Variants in CMTR1 observed in about 807,000 individuals in gnomAD.
The protein encoded by CMTR1 is cap-specific mRNA (nucleoside-2'-O-)-methyltransferase 1.
In CMTR1, 39 loss-of-function variants were observed where a neutral mutation model predicts 107.0. That is an observed-to-expected ratio of 0.36 (90% CI 0.28 to 0.48). The LOEUF is 0.48. Among genes scored for constraint, CMTR1 ranks in the 20% least tolerant of loss-of-function variants. CMTR1 has a pLI of 0.99. For synonymous variants in CMTR1, 366 were observed against 379.5 expected (o/e 0.96, Z 0.41); for missense variants, 672 against 1,064.9 (o/e 0.63, Z 5.14).
chr6:37,428,249 G>A (rs1214476391), upstream of CMTR1, among the ~76,000 whole-genome samples: 1 of 152,094 alleles, frequency 6.6e-6, no homozygotes, highest in East Asian at 1.9e-4. Flanking sequence ...TAATAACAAG[G>A]GTGGTGTCAT....
rs547188525 is a variant in CMTR1, at chr6:37,458,584, C to T, written c.778-28C>T. 2 of 1,609,142 alleles carry T rather than the reference C, an allele frequency of 1.2e-6. No homozygotes were observed. The highest frequency in any genetic ancestry group is 1.7e-6 in the Non-Finnish European group (2 of 1,178,220). On this transcript the variant is annotated intron_variant, in intron 8 of 23. Coordinates refer to ENST00000373451, the MANE Select transcript of CMTR1 (RefSeq NM_015050.3). The surrounding 1 kb of genome is among the most constrained non-coding windows in gnomAD (Gnocchi z 4.7). Reference sequence around the variant, plus strand: ...CCATTGAGCTGTCTTGTTTTCCTTCCTCTCCTGTCCTCCACTTGCCTTTGC... The same window carrying T: ...CCATTGAGCTGTCTTGTTTTCCTTCTTCTCCTGTCCTCCACTTGCCTTTGC...
chr6:37,436,096 C>T (rs1771523519), intron 2 of CMTR1, among the ~76,000 whole-genome samples: 1 of 152,126 alleles, frequency 6.6e-6, no homozygotes, highest in Non-Finnish European at 1.5e-5. Flanking sequence ...TGTTAATTAT[C>T]CTGGGGCTCT....
At position 37,458,978 on chromosome 6, in the gene CMTR1, T is replaced by G. The variant is rs570671602; in HGVS notation, c.976+168T>G. ...TGGTTCCCTCTGGACTATCCCTTTT[T>G]ACCCTGGGCCTGCAGAATACAGGTC... On this transcript the variant is annotated intron_variant, in intron 9 of 23. Coordinates refer to ENST00000373451, the MANE Select transcript of CMTR1 (RefSeq NM_015050.3). This position sits in a 1 kb window ranked among gnomAD's most constrained non-coding sequence, Gnocchi z 4.7. Among the ~76,000 whole-genome samples the G allele has an allele frequency of 5.3e-5, 8 of 152,340 alleles. No individual in the cohort carries two copies. The highest frequency in any genetic ancestry group is 3.4e-3 in the Middle Eastern group (1 of 294).
chr6:37,428,055 AGAGAG>A, the CMTR1 span, among the ~76,000 whole-genome samples: 1 of 142,708 alleles, frequency 7.0e-6, no homozygotes, highest in East Asian at 2.0e-4. Context: ...AGAGAGAGAG[AGAGAG>A]AAACTCTCTA....
Position 37,462,092 on chromosome 6 carries a change from A to C in CMTR1, c.1315A>C (p.Asn439His), listed in dbSNP as rs1449201476. ...LFKPITSRPA[N>H]SERYVVCKGL... Reference sequence around the variant, plus strand: ...CAAGCCTATTACCAGCCGTCCTGCCAACTCAGAGAGGTGAAGCCTTTCTCT... The same window carrying C: ...CAAGCCTATTACCAGCCGTCCTGCCCACTCAGAGAGGTGAAGCCTTTCTCT... The change falls in exon 12 of 24, where the codon AAC becomes CAC. Residue 439 changes from asparagine (N) to histidine (H), a missense_variant. Asn to His is a moderately conservative substitution (Grantham distance 68). Transcript: ENST00000373451. The C allele has an allele frequency of 1.2e-6, 2 of 1,614,010 alleles. No individual in the cohort carries two copies. The highest frequency in any genetic ancestry group is 1.7e-6 in the Non-Finnish European group (2 of 1,180,052).
the CMTR1 span, among the ~76,000 whole-genome samples, chr6:37,425,440 G>T: frequency 3.3e-5 from 5 of 151,360 alleles, no homozygotes; most frequent in Non-Finnish European, 7.4e-5. Context: ...GGGATTACAG[G>T]CACGTGCCAC....
chr6:37,430,874 C>T (rs1427300836), upstream of CMTR1, among the ~76,000 whole-genome samples: 5 of 151,964 alleles, frequency 3.3e-5, no homozygotes, highest in East Asian at 9.7e-4. Flanking sequence ...ATTAGCCGGG[C>T]GTGGTGGCGG....
rs1301744021 is a variant in CMTR1, at chr6:37,462,031, C to T, written c.1254C>T (p.Tyr418=). 1 of 1,613,916 alleles carries T rather than the reference C, an allele frequency of 6.2e-7. No homozygotes were observed. The highest frequency in any genetic ancestry group is 8.5e-7 in the Non-Finnish European group (1 of 1,179,992). The change falls in exon 12 of 24, where the codon TAC becomes TAT. Residue 418 remains tyrosine, a synonymous_variant. Transcript: ENST00000373451. ...CACCGTTTAGTGTGGGGCTTGTCTACCTGCTGTACTGCTGCTTTGAACGAG... is the reference window on the plus strand; with the variant it reads ...CACCGTTTAGTGTGGGGCTTGTCTATCTGCTGTACTGCTGCTTTGAACGAG... ...LFTPFSVGLV[Y]LLYCCFERVC...
chr6:37,430,819 C>A (rs1581720809), upstream of CMTR1, among the ~76,000 whole-genome samples: 1 of 152,140 alleles, frequency 6.6e-6, no homozygotes, highest in East Asian at 1.9e-4. Context: ...TCAAGACCAT[C>A]CTGGCTAACA....
rs1761825627 is a variant in CMTR1 at position 37,480,140 on chromosome 6, G to A, written c.2503G>A (p.Ala835Thr). ...CCTCTCCTTCATCCAGATGCACAGG[G>A]CCTAAGAGCCTCAGAATGTGCCACC... ...DVLSFIQMHR[A>T] Residue 835 changes from alanine (A) to threonine (T), a missense_variant, in exon 24 of 24, where the codon GCC becomes ACC. By Grantham distance (58) the Ala-to-Thr change is moderately conservative. Around this residue, in one of 2 missense-constraint regions of CMTR1, gnomAD observed 583 missense variants for 968.4 expected, o/e 0.60. Transcript: ENST00000373451. 6.3e-7 allele frequency: 1 copy of A among 1,597,780 alleles called. No homozygotes were observed. Among genetic ancestry groups the A allele is most frequent in the Non-Finnish European group, 8.5e-7 (1 of 1,172,668 alleles).
chr6:37,472,295 C>G lies in CMTR1; in HGVS notation c.1621-124C>G. ...CCACCTCCATCCCTGTCAGCCTAGC[C>G]TCCTTTGTTGTGTGCCATTCCTCCT... On this transcript the variant is annotated intron_variant, in intron 15 of 23. Coordinates refer to ENST00000373451, the MANE Select transcript of CMTR1 (RefSeq NM_015050.3). The surrounding 1 kb of genome is among the most constrained non-coding windows in gnomAD (Gnocchi z 4.1). 2 of 838,178 alleles carry G rather than the reference C, an allele frequency of 2.4e-6. No individual in the cohort carries two copies. The highest frequency in any genetic ancestry group is 3.9e-5 in the Admixed American group (2 of 51,704). 51.9% of individuals were successfully genotyped at this position (838,178 alleles called of 1,614,324 possible). A position where few individuals can be genotyped will look rare whatever the true frequency, so the allele number is the denominator to read the frequency against.
intron 14 of CMTR1, 31 bp downstream of exon 14, chr6:37,471,108 T>G: frequency 6.4e-7 from 1 of 1,555,830 alleles, no homozygotes; most frequent in African/African-American, 1.4e-5. Flanking sequence ...AGAAACCACC[T>G]ATTTCAAGGG....
intron 13 of CMTR1, among the ~76,000 whole-genome samples, chr6:37,466,557 A>C (rs1247239804): frequency 6.6e-6 from 1 of 152,182 alleles, no homozygotes; most frequent in Non-Finnish European, 1.5e-5. Context: ...CCATTAGTTG[A>C]AAACACTGCC....
chr6:37,466,975 G>T (rs1761524572), intron 13 of CMTR1, among the ~76,000 whole-genome samples: 1 of 152,090 alleles, frequency 6.6e-6, no homozygotes, highest in Admixed American at 6.6e-5. Flanking sequence ...TTTGAGACTA[G>T]CCTGGGCAAC....
chr6:37,445,885 G>A lies in CMTR1; in HGVS notation c.286-406G>A, dbSNP rs1016695236. ...CTTGCCTAGTAAGGCTGTTTGACTG[G>A]ATAAGGGTAAGGTAGAAGTTACAGC... On this transcript the variant is annotated intron_variant, in intron 3 of 23. Transcript: ENST00000373451. 6.6e-5 allele frequency among the ~76,000 whole-genome samples: 10 copies of A among 152,124 alleles called. 1 individual carries two copies.
chr6:37,465,153 A>C (rs1761480047), intron 13 of CMTR1, among the ~76,000 whole-genome samples: 1 of 151,944 alleles, frequency 6.6e-6, no homozygotes, highest in East Asian at 1.9e-4. Flanking sequence ...CTGTAATCCC[A>C]GCTACTGGGG....
intron 8 of CMTR1, among the ~76,000 whole-genome samples, chr6:37,457,124 G>GA (rs1761310909): frequency 6.6e-6 from 1 of 150,694 alleles, no homozygotes; most frequent in African/African-American, 2.4e-5. Flanking sequence ...GGAGGTTGAA[G>GA]AAAGAGGATT....
intron 2 of CMTR1, among the ~76,000 whole-genome samples, chr6:37,438,190 G>A (rs969853761): frequency 6.6e-6 from 1 of 152,006 alleles, no homozygotes; most frequent in African/African-American, 2.4e-5. Flanking sequence ...GACCAGCCTG[G>A]GGAACATGGT....
At chr6:37,474,474 T>C (rs751716585) in intron 17 of CMTR1, 50 bp from the exon 18 acceptor site, 6 of 1,606,954 alleles carry the variant, frequency 3.7e-6, no homozygotes, top group East Asian at 4.5e-5. Flanking sequence ...AAGCCTCTTA[T>C]CCCTCGATCT....
Sources: gnomAD v4.1 joint callset for allele counts (sites outside exome capture counted in the v4.1 genomes callset) on GRCh38, gnomAD v4.1.1 for gene constraint, gnomAD v4.1.1 regional missense constraint, Gnocchi (gnomAD v3.1) non-coding constraint, MANE v1.5 for transcripts, NCBI Gene and HGNC (gene_info 2026-07-23, HGNC 2026-07-21) for gene names.